TECPR2: variants seen among roughly 807,000 people sequenced by gnomAD.
TECPR2 encodes the protein tectonin beta-propeller repeat containing 2.
In TECPR2, 65 loss-of-function variants were observed where a neutral mutation model predicts 138.1. The ratio of observed to expected loss-of-function variants is 0.47; its 90% CI spans 0.39 to 0.58. The LOEUF (loss-of-function observed/expected upper bound fraction) is 0.58, where lower values mean the gene tolerates loss of function less well. Among genes scored for constraint, TECPR2 ranks in the 20% least tolerant of loss-of-function variants. TECPR2 has a pLI of 0.00. For missense variants in TECPR2, 1,553 were observed against 1,824.5 expected (o/e 0.85, Z 2.71); for synonymous variants, 746 against 749.8 (o/e 0.99, Z 0.08).
chr14:102,435,919 T>A (rs1889658380), intron 9 of TECPR2, among the ~76,000 whole-genome samples: 1 of 152,242 alleles, frequency 6.6e-6, no homozygotes, highest in South Asian at 2.1e-4. Context: ...TTGCCCTGTC[T>A]CCTACTAACT....
At chr14:102,495,690 G>A (rs1431434822) in intron 17 of TECPR2, among the ~76,000 whole-genome samples, 7 of 152,238 alleles carry the variant, frequency 4.6e-5, no homozygotes, top group East Asian at 1.9e-4. Flanking sequence ...CGACAAGAGC[G>A]GCCACCGCCC....
At chr14:102,396,568 AC>A (rs1247595447) in intron 2 of TECPR2, among the ~76,000 whole-genome samples, 1 of 152,180 alleles carries the variant, frequency 6.6e-6, no homozygotes, top group Non-Finnish European at 1.5e-5. Flanking sequence ...AAGAGGGAGC[AC>A]CAGTCATCTG....
chr14:102,493,105 C>T (rs1891192532), intron 17 of TECPR2, among the ~76,000 whole-genome samples: 1 of 152,238 alleles, frequency 6.6e-6, no homozygotes. Context: ...GCTGTTCTTG[C>T]CCTTCTGCTG....
At chr14:102,432,681 A>G (rs373142956) in intron 8 of TECPR2, among the ~76,000 whole-genome samples, 3 of 150,558 alleles carry the variant, frequency 2.0e-5, no homozygotes, top group East Asian at 2.1e-4. Context: ...AGCGTGAGCC[A>G]CCGCGCCTGG....
intron 2 of TECPR2, among the ~76,000 whole-genome samples, chr14:102,405,702 T>A (rs532843427): frequency 2.2e-4 from 33 of 152,354 alleles, no homozygotes; most frequent in Non-Finnish European, 3.4e-4. Context: ...TTGAAAGCAG[T>A]ATCTCAAAGA....
At chr14:102,474,445 A>G (rs1255523587) in intron 17 of TECPR2, among the ~76,000 whole-genome samples, 1 of 151,744 alleles carries the variant, frequency 6.6e-6, no homozygotes, top group Non-Finnish European at 1.5e-5. Context: ...ACCAATATGG[A>G]GAAACCCCGT....
Position 102,416,759 on chromosome 14 carries a change from G to A in TECPR2, c.638+1966G>A, listed in dbSNP as rs982965430. On this transcript the variant is annotated intron_variant, in intron 5 of 19. Transcript: ENST00000359520. Reference sequence around the variant, plus strand: ...AACACTTTGGGAGGCCAAGGTGGGCGGGTCACTTGAGGTCAGGAGTTCAAG... The same window carrying A: ...AACACTTTGGGAGGCCAAGGTGGGCAGGTCACTTGAGGTCAGGAGTTCAAG... Among the ~76,000 whole-genome samples the A allele has an allele frequency of 2.0e-5, 3 of 152,114 alleles. No individual in the cohort carries two copies. In the South Asian group the frequency reaches 6.2e-4, roughly 31 times the overall value.
chr14:102,370,506 A>G (rs765585644), intron 1 of TECPR2, among the ~76,000 whole-genome samples: 1 of 152,192 alleles, frequency 6.6e-6, no homozygotes, highest in Admixed American at 6.5e-5. Context: ...TAGGGAGTAG[A>G]AGGTGTGAAG....
chr14:102,435,255 C>T (rs1034031070), intron 9 of TECPR2, 44 bp downstream of exon 9: 4 of 1,544,674 alleles, frequency 2.6e-6, no homozygotes, highest in Non-Finnish European at 2.6e-6. Context: ...AGGCTTCTTT[C>T]TTAAGGGTAA....
chr14:102,447,374 G>T, intron 13 of TECPR2, among the ~76,000 whole-genome samples: 2 of 152,166 alleles, frequency 1.3e-5, no homozygotes, highest in East Asian at 3.9e-4. Context: ...CTCCCAAAGC[G>T]CTGGGATTAC....
At chr14:102,424,899 A>G in intron 5 of TECPR2, 80 bp from the exon 6 acceptor site, 1 of 1,368,840 alleles carries the variant, frequency 7.3e-7, no homozygotes, top group East Asian at 2.3e-5. Flanking sequence ...GTTGTACTTA[A>G]TATTAAGGGT....
chr14:102,494,074 A>T (rs931866930), intron 17 of TECPR2, among the ~76,000 whole-genome samples: 1 of 152,008 alleles, frequency 6.6e-6, no homozygotes, highest in African/African-American at 2.4e-5. Context: ...CTTACGTCCA[A>T]TTGCCTGCTC....
At chr14:102,433,002 C>CAAA (rs567150393) in intron 8 of TECPR2, among the ~76,000 whole-genome samples, 1 of 51,602 alleles carries the variant, frequency 1.9e-5, no homozygotes, top group Non-Finnish European at 4.0e-5. Context: ...GACTCCGTCT[C>CAAA]AAAAAAAAAA....
intron 16 of TECPR2, among the ~76,000 whole-genome samples, chr14:102,454,506 C>T (rs1243996051): frequency 6.6e-6 from 1 of 152,172 alleles, no homozygotes; most frequent in Non-Finnish European, 1.5e-5. Context: ...CACCAGTCAC[C>T]ATCTAGCTTT....
intron 17 of TECPR2, 146 bp from the exon 18 acceptor site, chr14:102,496,833 G>C: frequency 8.3e-7 from 1 of 1,199,926 alleles, no homozygotes; most frequent in African/African-American, 1.5e-5. Context: ...CTGGCACTAG[G>C]GGCAGGACGT....
intron 17 of TECPR2, among the ~76,000 whole-genome samples, chr14:102,476,089 C>T (rs527968457): frequency 5.3e-5 from 8 of 150,832 alleles, no homozygotes; most frequent in Non-Finnish European, 1.0e-4. Context: ...CACCTGTAAT[C>T]GTAGCTACTC....
intron 4 of TECPR2, among the ~76,000 whole-genome samples, chr14:102,413,386 TATA>T (rs1567330347): frequency 6.7e-6 from 1 of 148,964 alleles, no homozygotes; most frequent in Non-Finnish European, 1.5e-5. Context: ...TGTATATATA[TATA>T]TATTTTTTGA....
intron 16 of TECPR2, among the ~76,000 whole-genome samples, chr14:102,461,003 T>C (rs1391235818): frequency 6.6e-6 from 1 of 152,106 alleles, no homozygotes; most frequent in Non-Finnish European, 1.5e-5. Context: ...CCTCAATTTT[T>C]TTTTTTTAAA....
Position 102,490,630 on chromosome 14 carries a change from G to A in TECPR2, c.3790-6349G>A, listed in dbSNP as rs116359551. Among the ~76,000 whole-genome samples the A allele has an allele frequency of 9.9e-3, 1,515 of 152,266 alleles. 40 individuals are homozygous for A. The highest frequency in any genetic ancestry group is 0.035 in the African/African-American group (1,443 of 41,548). ...GTGCTGAGCTCCGCCCCGGCCTGGCGTCTGCTCTGAAAAGGTCCAGACTCA... is the reference window on the plus strand; with the variant it reads ...GTGCTGAGCTCCGCCCCGGCCTGGCATCTGCTCTGAAAAGGTCCAGACTCA... On this transcript the variant is annotated intron_variant, in intron 17 of 19. Coordinates refer to ENST00000359520, the MANE Select transcript of TECPR2 (RefSeq NM_014844.5).
Sources: gnomAD v4.1 joint callset for allele counts (sites outside exome capture counted in the v4.1 genomes callset) on GRCh38, gnomAD v4.1.1 for gene constraint, MANE v1.5 for transcripts, NCBI Gene and HGNC (gene_info 2026-07-23, HGNC 2026-07-21) for gene names.